Variants in ROBO1 observed in about 807,000 individuals in gnomAD.
The protein encoded by ROBO1 is roundabout homolog 1.
A neutral mutation model predicts 195.9 loss-of-function variants in ROBO1; 149 were observed. That is an observed-to-expected ratio of 0.76 (90% CI 0.67 to 0.87). The LOEUF is 0.87. ROBO1 is among the 40% of genes least tolerant of loss of function. The pLI, the probability that ROBO1 is intolerant of heterozygous loss-of-function variation, is 0.00. For missense variants in ROBO1, 1,933 were observed against 2,068.3 expected, an observed-to-expected ratio of 0.93 and a Z score of 1.27; for synonymous variants, 816 against 733.2, an observed-to-expected ratio of 1.11 and a Z score of -1.82.
intron 8 of ROBO1, among the ~76,000 whole-genome samples, chr3:78,692,452 G>A (rs1461398632): frequency 6.6e-6 from 1 of 151,898 alleles, no homozygotes; most frequent in Non-Finnish European, 1.5e-5. Context: ...GTATTTTTTG[G>A]TAGAGATGGG....
At chr3:78,681,507 A>T (rs1364578244) in intron 10 of ROBO1, among the ~76,000 whole-genome samples, 1 of 152,226 alleles carries the variant, frequency 6.6e-6, no homozygotes, top group Admixed American at 6.5e-5. Context: ...ATCTATGTTT[A>T]TACTGCAGGG....
chr3:79,460,653 G>A (rs74941587), intron 2 of ROBO1, among the ~76,000 whole-genome samples: 2,089 of 152,170 alleles, frequency 0.014, 48 homozygotes, highest in African/African-American at 0.047. Context: ...TAACCCTAAT[G>A]GGAACAATCC....
At chr3:79,549,282 T>C (rs1942387541) in intron 2 of ROBO1, among the ~76,000 whole-genome samples, 1 of 152,186 alleles carries the variant, frequency 6.6e-6, no homozygotes, top group South Asian at 2.1e-4. Context: ...GCTTATGATA[T>C]ATAATGTGAT....
intron 2 of ROBO1, among the ~76,000 whole-genome samples, chr3:79,202,585 A>G (rs1051371023): frequency 6.6e-6 from 1 of 151,702 alleles, no homozygotes; most frequent in Non-Finnish European, 1.5e-5. Flanking sequence ...AAAAAGAAAC[A>G]GAAGCAAAAA....
intron 2 of ROBO1, among the ~76,000 whole-genome samples, chr3:79,442,358 T>C (rs2039085353): frequency 6.6e-6 from 1 of 152,192 alleles, no homozygotes; most frequent in African/African-American, 2.4e-5. Flanking sequence ...CAGAATTTCT[T>C]TTTATGAGGA....
intron 2 of ROBO1, among the ~76,000 whole-genome samples, chr3:79,550,195 G>GA: frequency 9.9e-6 from 1 of 100,812 alleles, no homozygotes; most frequent in South Asian, 3.3e-4. Context: ...AAGAAAGAAA[G>GA]GAAAAGAAAA....
intron 5 of ROBO1, among the ~76,000 whole-genome samples, chr3:78,718,611 T>G (rs1221420677): frequency 2.6e-5 from 4 of 152,068 alleles, no homozygotes; most frequent in Non-Finnish European, 4.4e-5. Flanking sequence ...AAACTAAACA[T>G]GAATTAAGAT....
rs537523212 is a variant in ROBO1 at position 78,955,625 on chromosome 3, A to G, written c.173-16698T>C. Among the ~76,000 whole-genome samples, 16 of 152,254 alleles carry G rather than the reference A, an allele frequency of 1.1e-4. No homozygotes were observed. In the South Asian group the frequency reaches 3.1e-3, roughly 30 times the overall value. ...GCCAAAAGTCAATAAACTAAAATCA[A>G]TTAAAGTACTAAAAATAAAGCTTTC... On this transcript the variant is annotated intron_variant, in intron 3 of 30. Coordinates refer to ENST00000464233, the MANE Select transcript of ROBO1 (RefSeq NM_002941.4).
chr3:79,404,927 G>A (rs1204544158), intron 2 of ROBO1, among the ~76,000 whole-genome samples: 1 of 151,898 alleles, frequency 6.6e-6, no homozygotes, highest in Non-Finnish European at 1.5e-5. Flanking sequence ...TTATTTTCTT[G>A]CAATAACTAT....
chr3:79,642,614 T>C (rs1945699153), intron 1 of ROBO1, among the ~76,000 whole-genome samples: 1 of 152,124 alleles, frequency 6.6e-6, no homozygotes, highest in Admixed American at 6.6e-5. Flanking sequence ...AGAAGTGAGA[T>C]GGCTTTTTCA....
intron 3 of ROBO1, among the ~76,000 whole-genome samples, chr3:78,961,553 T>C (rs886307840): frequency 2.0e-5 from 3 of 152,188 alleles, no homozygotes; most frequent in Non-Finnish European, 2.9e-5. Flanking sequence ...TTAATTCTCA[T>C]AGTACCCACA....
chr3:79,755,983 T>C (rs960759256), intron 1 of ROBO1, among the ~76,000 whole-genome samples: 11 of 152,246 alleles, frequency 7.2e-5, no homozygotes, highest in South Asian at 4.1e-4. Flanking sequence ...CATTTGGCTA[T>C]CCAGTCATTT....
intron 3 of ROBO1, among the ~76,000 whole-genome samples, chr3:78,972,163 C>T (rs1355745016): frequency 6.6e-6 from 1 of 152,214 alleles, no homozygotes; most frequent in African/African-American, 2.4e-5. Context: ...TTAATTCTCA[C>T]ACAGATGACT....
intron 1 of ROBO1, among the ~76,000 whole-genome samples, chr3:79,679,003 AAAT>A (rs1180867936): frequency 4.6e-5 from 7 of 152,092 alleles, no homozygotes; most frequent in African/African-American, 1.2e-4. Flanking sequence ...TTAATTACGC[AAAT>A]AATGTGTGAA....
At position 79,244,024 on chromosome 3, in the gene ROBO1, G is replaced by C. The variant is rs139387716; in HGVS notation, c.89-118485C>G. The stretch of plus-strand genomic sequence containing the variant: ...ATTTTTCTATAAGGTGTAAGGAAGG[G>C]ATCCAGTTTCAGCTTTCTGCATATG... On this transcript the variant is annotated intron_variant, in intron 2 of 30. Coordinates refer to ENST00000464233, the MANE Select transcript of ROBO1 (RefSeq NM_002941.4). Among the ~76,000 whole-genome samples, 4 of 152,188 alleles carry C rather than the reference G, an allele frequency of 2.6e-5. No individual in the cohort carries two copies. The East Asian group carries it at 7.8e-4, about 30-fold the overall frequency.
chr3:79,606,745 A>G (rs980811517), intron 1 of ROBO1, among the ~76,000 whole-genome samples: 1 of 151,766 alleles, frequency 6.6e-6, no homozygotes. Context: ...GGCCACTTAG[A>G]CCACCTGTGT....
chr3:78,765,404 A>C (rs2108390926), intron 4 of ROBO1, among the ~76,000 whole-genome samples: 1 of 152,212 alleles, frequency 6.6e-6, no homozygotes, highest in South Asian at 2.1e-4. Flanking sequence ...ATTATTAAAT[A>C]TAAACTTGCC....
chr3:79,233,661 C>T (rs961639600), intron 2 of ROBO1, among the ~76,000 whole-genome samples: 1 of 152,046 alleles, frequency 6.6e-6, no homozygotes, highest in Non-Finnish European at 1.5e-5. Context: ...AACGGGAAGT[C>T]ACATCCACTC....
At chr3:79,539,718 C>A (rs1461338228) in intron 2 of ROBO1, among the ~76,000 whole-genome samples, 1 of 152,044 alleles carries the variant, frequency 6.6e-6, no homozygotes, top group Non-Finnish European at 1.5e-5. Flanking sequence ...GAGTATCACA[C>A]TGTTAATCGT....
Sources: allele counts gnomAD v4.1 joint callset (sites outside exome capture counted in the v4.1 genomes callset), GRCh38; gene constraint gnomAD v4.1.1; transcripts MANE v1.5; gene names NCBI Gene and HGNC (gene_info 2026-07-23, HGNC 2026-07-21).